The following PELI1 variants were observed in gnomAD, a reference collection of about 807,000 sequenced individuals.
PELI1 encodes E3 ubiquitin-protein ligase pellino homolog 1.
A neutral mutation model predicts 41.3 loss-of-function variants in PELI1; 15 were observed. The ratio of observed to expected loss-of-function variants is 0.36; its 90% CI spans 0.24 to 0.56. PELI1 has a LOEUF of 0.56. Ranked by LOEUF, PELI1 falls within the 20% of genes least tolerant of loss-of-function variation. The probability of loss-of-function intolerance (pLI) is 0.82; values close to 1 mark genes in which losing one functional copy is unlikely to be tolerated. For synonymous variants in PELI1, 178 were observed against 180.1 expected (o/e 0.99, Z 0.09); for missense variants, 403 against 525.5 (o/e 0.77, Z 2.28).
chr2:64,104,749 C>A lies in PELI1; in HGVS notation c.153G>T (p.Gly51=), dbSNP rs769413655. 2.5e-6 allele frequency: 4 copies of A among 1,613,184 alleles called. No homozygotes were observed. Among genetic ancestry groups the A allele is most frequent in the Non-Finnish European group, 1.7e-6 (2 of 1,179,808 alleles). The change falls in exon 3 of 7, where the codon GGG becomes GGT. Residue 51 remains glycine (G), a synonymous_variant. Transcript: ENST00000358912. The part of the protein sequence containing the change: ...FALFKRPKAN[G]VKPSTVHIAC... ...CAATATGCACAGTGCTGGGCTTCAC[C>A]CCATTTGCCTTAGGTCTTTTAAACA... is the stretch of plus-strand genomic sequence containing the variant.
At chr2:64,100,717 A>C (rs1680397559) in intron 3 of PELI1, among the ~76,000 whole-genome samples, 1 of 151,870 alleles carries the variant, frequency 6.6e-6, no homozygotes, top group Non-Finnish European at 1.5e-5. Context: ...TTACAGAATA[A>C]AAACATAACT....
chr2:64,104,681 CTTTTT>C lies in PELI1; in HGVS notation c.201+15_201+19del, dbSNP rs537000200. 406 of 1,465,106 alleles carry C rather than the reference CTTTTT, an allele frequency of 2.8e-4. No individual in the cohort carries two copies. Among genetic ancestry groups the C allele is most frequent in the South Asian group, 8.7e-4 (62 of 71,142 alleles). 90.8% of individuals were successfully genotyped at this position (1,465,106 alleles called of 1,614,324 possible). On this transcript the variant is annotated intron_variant, in intron 3 of 6. Transcript: ENST00000358912. Reference sequence around the variant, plus strand: ...AAATTCTCCAAGTTAATTTATGTAGCTTTTTTTTTTTTTTTTTACCTTTGCAGCCT... The same window carrying C: ...AAATTCTCCAAGTTAATTTATGTAGCTTTTTTTTTTTTACCTTTGCAGCCT...
At chr2:64,100,290 A>C (rs1381451009) in intron 4 of PELI1, 108 bp downstream of exon 4, 1 of 643,502 alleles carries the variant, frequency 1.6e-6, no homozygotes, top group Non-Finnish European at 2.8e-6. Context: ...TATTTTAATA[A>C]AATACAATAT....
chr2:64,142,055 T>G (rs1681930168), intron 1 of PELI1, among the ~76,000 whole-genome samples: 1 of 152,208 alleles, frequency 6.6e-6, no homozygotes, highest in Non-Finnish European at 1.5e-5. Context: ...AATTTCCAGC[T>G]TACTTTTTAG....
intron 1 of PELI1, among the ~76,000 whole-genome samples, chr2:64,127,536 G>T (rs936385405): frequency 6.6e-6 from 1 of 152,140 alleles, no homozygotes. Context: ...CACACTATCA[G>T]GGAGAAGAGT....
rs1423565147 is a variant in PELI1 at position 64,093,785 on chromosome 2, ACTTTTT to A, written c.*911_*916del. On this transcript the variant is annotated 3_prime_UTR_variant, in exon 7 of 7. Transcript: ENST00000358912. ...TCACTCTCCTTTCTTGCTAATTTAT[ACTTTTT>A]CTTATGGCAATGATTTTTTTCTAGA... is the stretch of plus-strand genomic sequence containing the variant. The A allele has an allele frequency of 6.5e-6, 1 of 152,674 alleles. No individual in the cohort carries two copies. Among genetic ancestry groups the A allele is most frequent in the Non-Finnish European group, 1.5e-5 (1 of 68,026 alleles). 9.5% of individuals were successfully genotyped at this position (152,674 alleles called of 1,614,324 possible). A position where few individuals can be genotyped will look rare whatever the true frequency, so the allele number is the denominator to read the frequency against.
chr2:64,141,793 T>G (rs1167103449), intron 1 of PELI1, among the ~76,000 whole-genome samples: 2 of 152,222 alleles, frequency 1.3e-5, no homozygotes, highest in Non-Finnish European at 2.9e-5. Flanking sequence ...TTCAGTCATT[T>G]CCTTTAAGGG....
intron 5 of PELI1, 49 bp from the exon 6 acceptor site, chr2:64,096,362 G>T (rs368810935): frequency 2.5e-6 from 4 of 1,596,746 alleles, no homozygotes; most frequent in Non-Finnish European, 3.4e-6. Flanking sequence ...TTGTAACTTG[G>T]AATGAAAGCT....
intron 1 of PELI1, among the ~76,000 whole-genome samples, chr2:64,125,897 T>A (rs1681367594): frequency 6.6e-6 from 1 of 152,250 alleles, no homozygotes; most frequent in South Asian, 2.1e-4. Context: ...AAATATTGTA[T>A]AAAATTGTCT....
intron 1 of PELI1, among the ~76,000 whole-genome samples, chr2:64,138,551 A>G (rs1488450016): frequency 1.3e-5 from 2 of 151,898 alleles, no homozygotes; most frequent in Admixed American, 1.3e-4. Context: ...ACATGGTGAA[A>G]CCCTGTCTCT....
intron 1 of PELI1, among the ~76,000 whole-genome samples, chr2:64,112,487 C>T (rs1262048322): frequency 6.6e-6 from 1 of 152,050 alleles, no homozygotes; most frequent in Non-Finnish European, 1.5e-5. Context: ...TGGCATATAC[C>T]CTCCATATAA....
chr2:64,096,288 G>A lies in PELI1; in HGVS notation c.527C>T (p.Ser176Leu). Residue 176 changes from serine (S) to leucine (L), a missense_variant, in exon 6 of 7, where the codon TCA (serine) becomes TTA (leucine). Physicochemically the swap from Ser to Leu is moderately radical, Grantham distance 145. Transcript: ENST00000358912. ...LGEKAAKWKT[S>L]DGQMDGLTTN... ...GGTCAAGCCATCCATCTGTCCATCTGATGTCTTCCATTTGGCAGCCTTCTC... is the reference window on the plus strand; with the variant it reads ...GGTCAAGCCATCCATCTGTCCATCTAATGTCTTCCATTTGGCAGCCTTCTC... 6.2e-7 allele frequency: 1 copy of A among 1,613,986 alleles called. No individual in the cohort carries two copies. The highest frequency in any genetic ancestry group is 2.2e-5 in the East Asian group (1 of 44,878).
chr2:64,096,703 C>G (rs1272061044), intron 4 of PELI1, 93 bp from the exon 5 acceptor site: 3 of 790,862 alleles, frequency 3.8e-6, no homozygotes, highest in Non-Finnish European at 6.1e-6. Flanking sequence ...AACATTAGGT[C>G]TCTGAAATTT....
chr2:64,098,456 AC>A (rs1281244343), intron 4 of PELI1, among the ~76,000 whole-genome samples: 1 of 152,134 alleles, frequency 6.6e-6, no homozygotes, highest in Non-Finnish European at 1.5e-5. Context: ...ACTGTGTACT[AC>A]TTCTTTGCTT....
intron 1 of PELI1, among the ~76,000 whole-genome samples, chr2:64,111,028 T>A (rs1011865406): frequency 6.6e-6 from 1 of 152,112 alleles, no homozygotes; most frequent in Non-Finnish European, 1.5e-5. Context: ...AATATTATCA[T>A]GTCTTTTTCA....
intron 1 of PELI1, among the ~76,000 whole-genome samples, chr2:64,117,145 C>T (rs1020095324): frequency 3.3e-5 from 5 of 152,112 alleles, no homozygotes; most frequent in African/African-American, 1.2e-4. Flanking sequence ...ATTAATACTC[C>T]TACAGTGGCC....
chr2:64,118,037 C>T (rs1345621641), intron 1 of PELI1, among the ~76,000 whole-genome samples: 1 of 152,150 alleles, frequency 6.6e-6, no homozygotes, highest in Non-Finnish European at 1.5e-5. Flanking sequence ...TCTCGATATC[C>T]TGACCTCGTG....
chr2:64,110,272 A>C (rs1266444571), intron 1 of PELI1, among the ~76,000 whole-genome samples: 1 of 151,660 alleles, frequency 6.6e-6, no homozygotes, highest in Non-Finnish European at 1.5e-5. Flanking sequence ...AAAAAAAGAA[A>C]AAATATCCTG....
At chr2:64,096,688 GA>G in intron 4 of PELI1, 78 bp from the exon 5 acceptor site, 1 of 907,208 alleles carries the variant, frequency 1.1e-6, no homozygotes. Flanking sequence ...GCACAATAAG[GA>G]GAGAACATTA....
Sources: gnomAD v4.1 joint callset for allele counts (sites outside exome capture counted in the v4.1 genomes callset) on GRCh38, gnomAD v4.1.1 for gene constraint, MANE v1.5 for transcripts, NCBI Gene and HGNC (gene_info 2026-07-23, HGNC 2026-07-21) for gene names.